Variants in SLCO2A1 observed in about 807,000 individuals in gnomAD.
SLCO2A1 encodes matrin F/G 1.
Under a neutral mutation model 71.7 loss-of-function variants are expected in SLCO2A1, and 60 were observed. The observed-to-expected ratio is 0.84, with a 90% CI of 0.68 to 1.04. SLCO2A1 has a LOEUF of 1.04. SLCO2A1 is among the 50% of genes least tolerant of loss of function. The pLI, the probability that SLCO2A1 is intolerant of heterozygous loss-of-function variation, is 0.00. For missense variants in SLCO2A1, 745 were observed against 813.4 expected (o/e 0.92, Z 1.02); for synonymous variants, 308 against 326.7 (o/e 0.94, Z 0.62).
intron 5 of SLCO2A1, 36 bp from the exon 6 acceptor site, chr3:133,951,380 A>C: frequency 6.2e-7 from 1 of 1,610,784 alleles, no homozygotes; most frequent in South Asian, 1.1e-5. Flanking sequence ...TGTTTGTTGA[A>C]TGCATGATCT....
At chr3:133,947,553 A>G (rs77890330) in intron 8 of SLCO2A1, 108 bp from the exon 9 acceptor site, 1 of 906,110 alleles carries the variant, frequency 1.1e-6, no homozygotes, top group Non-Finnish European at 1.6e-6. Flanking sequence ...TCAGGAAGGA[A>G]CATTTGGTAT....
At chr3:133,977,959 T>C (rs1017599812) in intron 2 of SLCO2A1, among the ~76,000 whole-genome samples, 1 of 151,868 alleles carries the variant, frequency 6.6e-6, no homozygotes, top group African/African-American at 2.4e-5. Flanking sequence ...CACAGACCAG[T>C]ACACAGACAC....
At chr3:133,957,850 G>A (rs147118909) in intron 3 of SLCO2A1, among the ~76,000 whole-genome samples, 217 of 152,298 alleles carry the variant, frequency 1.4e-3, no homozygotes, top group African/African-American at 4.9e-3. Context: ...TTCCCTTGGC[G>A]TAGAGGCCAT....
At chr3:133,979,346 C>T (rs964401886) in intron 2 of SLCO2A1, 135 bp downstream of exon 2, 17 of 1,113,534 alleles carry the variant, frequency 1.5e-5, no homozygotes, top group East Asian at 7.1e-5. Context: ...TTTGCTGTTT[C>T]GTTTGCTGTT....
At chr3:133,988,350 T>C (rs576376891) in intron 1 of SLCO2A1, among the ~76,000 whole-genome samples, 1 of 152,336 alleles carries the variant, frequency 6.6e-6, no homozygotes, top group East Asian at 1.9e-4. Flanking sequence ...CCCAGGTCTT[T>C]AGATAAACCC....
chr3:134,014,947 A>AT (rs1935416282), intron 1 of SLCO2A1, among the ~76,000 whole-genome samples: 1 of 152,212 alleles, frequency 6.6e-6, no homozygotes, highest in Non-Finnish European at 1.5e-5. Flanking sequence ...CATACCAATC[A>AT]GCTAAGGGCA....
intron 1 of SLCO2A1, among the ~76,000 whole-genome samples, chr3:133,999,060 C>A (rs1186493142): frequency 1.3e-5 from 2 of 152,234 alleles, no homozygotes; most frequent in Admixed American, 1.3e-4. Flanking sequence ...TGGAACACCG[C>A]CTCGCCAGGA....
chr3:134,001,841 C>T (rs1415392368), intron 1 of SLCO2A1, among the ~76,000 whole-genome samples: 1 of 152,102 alleles, frequency 6.6e-6, no homozygotes, highest in African/African-American at 2.4e-5. Context: ...ATCAGAAAAC[C>T]GTGTTTAGAT....
At position 133,947,165 on chromosome 3, in the gene SLCO2A1, G is replaced by C. The variant is rs1287081506; in HGVS notation, c.1295+91C>G. The C allele has an allele frequency of 8.3e-6, 9 of 1,087,554 alleles. No individual in the cohort carries two copies. The African/African-American group carries it at 9.6e-5, about 12-fold the overall frequency. 67.4% of individuals were successfully genotyped at this position (1,087,554 alleles called of 1,614,324 possible). On this transcript the variant is annotated intron_variant, in intron 9 of 13. Coordinates refer to ENST00000310926, the MANE Select transcript of SLCO2A1 (RefSeq NM_005630.3). ...AAAAAAAAGTGTACAGCAAAGAATA[G>C]AGTTAAGGAAGCAGGAAGGAAGATG...
chr3:133,993,610 A>T (rs1239350640), intron 1 of SLCO2A1, among the ~76,000 whole-genome samples: 1 of 152,224 alleles, frequency 6.6e-6, no homozygotes, highest in Non-Finnish European at 1.5e-5. Context: ...TTATGTAAAT[A>T]TGTGTCCAAT....
chr3:134,020,375 A>ATGGTC (rs746288028), intron 1 of SLCO2A1, among the ~76,000 whole-genome samples: 49 of 152,138 alleles, frequency 3.2e-4, no homozygotes, highest in Non-Finnish European at 6.0e-4. Context: ...TGATTGGCGG[A>ATGGTC]TGGTCGAGGC....
chr3:134,022,372 A>G (rs1303029552), intron 1 of SLCO2A1, among the ~76,000 whole-genome samples: 1 of 152,230 alleles, frequency 6.6e-6, no homozygotes, highest in Non-Finnish European at 1.5e-5. Flanking sequence ...TGGTAAAAAG[A>G]TTATAAGGAG....
intron 1 of SLCO2A1, among the ~76,000 whole-genome samples, chr3:133,995,794 C>T (rs1379136176): frequency 6.6e-6 from 1 of 152,134 alleles, no homozygotes; most frequent in East Asian, 1.9e-4. Flanking sequence ...AGCGAATGAC[C>T]CCACTGGTTA....
At chr3:133,984,255 G>A (rs74437669) in intron 1 of SLCO2A1, among the ~76,000 whole-genome samples, 4,891 of 152,118 alleles carry the variant, frequency 0.032, 264 homozygotes, top group African/African-American at 0.11. Flanking sequence ...TTTCTCCCCC[G>A]TGCTACTGGG....
rs576286669 is a variant in SLCO2A1, at chr3:133,952,007, G to A, written c.725-663C>T. ...TTCTCTTGGCAATTCTCTTGCACACGTGTAAAAGTCTGCCATTGTGTTTCT... is the reference window on the plus strand; with the variant it reads ...TTCTCTTGGCAATTCTCTTGCACACATGTAAAAGTCTGCCATTGTGTTTCT... On this transcript the variant is annotated intron_variant, in intron 5 of 13. Transcript: ENST00000310926. Among the ~76,000 whole-genome samples the A allele has an allele frequency of 2.2e-4, 34 of 152,312 alleles. 1 individual carries two copies. The South Asian group carries it at 6.4e-3, about 29-fold the overall frequency.
chr3:134,018,002 C>A (rs1935495807), intron 1 of SLCO2A1, among the ~76,000 whole-genome samples: 1 of 152,198 alleles, frequency 6.6e-6, no homozygotes, highest in South Asian at 2.1e-4. Context: ...ACATACAACA[C>A]TCTTCCATTT....
At chr3:133,995,462 C>T (rs1934945102) in intron 1 of SLCO2A1, among the ~76,000 whole-genome samples, 2 of 152,216 alleles carry the variant, frequency 1.3e-5, no homozygotes, top group South Asian at 4.1e-4. Context: ...GTGGAAAATG[C>T]ATGGCCCTCC....
intron 1 of SLCO2A1, among the ~76,000 whole-genome samples, chr3:133,999,507 A>T (rs1935056135): frequency 6.6e-6 from 1 of 152,206 alleles, no homozygotes; most frequent in African/African-American, 2.4e-5. Context: ...CCAGCCCCCC[A>T]GGGGCATACT....
chr3:133,948,689 T>C lies in SLCO2A1; in HGVS notation c.952A>G (p.Ile318Val). ...GAGTTCATCAGGAGCCTCAGAAAGA[T>C]GCATGGAAACCCTGTGAACAGACCG... is the stretch of plus-strand genomic sequence containing the variant. ...LVDFIKRFPC[I>V]FLRLLMNSLF... The change falls in exon 8 of 14, where the codon ATC (isoleucine) becomes GTC (valine). Residue 318 changes from isoleucine (I) to valine (V), a missense_variant. Transcript: ENST00000310926. 5 of 1,613,860 alleles carry C rather than the reference T, an allele frequency of 3.1e-6. No homozygotes were observed. The highest frequency in any genetic ancestry group is 4.2e-6 in the Non-Finnish European group (5 of 1,179,868).
Sources: gnomAD v4.1 joint callset for allele counts (sites outside exome capture counted in the v4.1 genomes callset) on GRCh38, gnomAD v4.1.1 for gene constraint, MANE v1.5 for transcripts, NCBI Gene and HGNC (gene_info 2026-07-23, HGNC 2026-07-21) for gene names.